The following PTPN12 variants were observed in gnomAD, a reference collection of about 807,000 sequenced individuals.
The protein encoded by PTPN12 is protein tyrosine phosphatase non-receptor type 12, also known as tyrosine-protein phosphatase non-receptor type 12.
PTPN12 carries 29 observed loss-of-function variants against 97.6 expected under a neutral mutation model. That is an observed-to-expected ratio of 0.30 (90% CI 0.22 to 0.41). PTPN12 has a LOEUF of 0.41. Among genes scored for constraint, PTPN12 ranks in the 10% least tolerant of loss-of-function variants. PTPN12 has a pLI of 1.00. For synonymous variants in PTPN12, 327 were observed against 300.4 expected (o/e 1.09, Z -0.91); for missense variants, 819 against 926.0 (o/e 0.88, Z 1.50).
chr7:77,589,475 G>A (rs986847009), intron 5 of PTPN12, among the ~76,000 whole-genome samples: 10 of 151,926 alleles, frequency 6.6e-5, no homozygotes, highest in South Asian at 2.1e-4. Context: ...ATTACATAGT[G>A]ATTTTATTTG....
At chr7:77,620,179 G>A (rs893281552) in intron 12 of PTPN12, among the ~76,000 whole-genome samples, 5 of 152,248 alleles carry the variant, frequency 3.3e-5, no homozygotes, top group Admixed American at 6.5e-5. Context: ...TGATTTGTAT[G>A]TTCTTCTACC....
At chr7:77,573,680 A>T (rs1787238333) in intron 2 of PTPN12, among the ~76,000 whole-genome samples, 1 of 152,226 alleles carries the variant, frequency 6.6e-6, no homozygotes, top group Admixed American at 6.5e-5. Context: ...GGAATTATTC[A>T]TGCACACATT....
chr7:77,592,114 C>A, intron 5 of PTPN12, 71 bp from the exon 6 acceptor site: 1 of 1,333,112 alleles, frequency 7.5e-7, no homozygotes, highest in Non-Finnish European at 1.1e-6. Flanking sequence ...AACCTCAGGA[C>A]ACAAAATATT....
chr7:77,597,530 G>T (rs1398077033), intron 6 of PTPN12, among the ~76,000 whole-genome samples: 17 of 152,100 alleles, frequency 1.1e-4, no homozygotes, highest in Non-Finnish European at 2.9e-5. Flanking sequence ...TGGCTTACTA[G>T]CTCTTTTTTT....
At chr7:77,586,854 C>T (rs1254054157) in intron 5 of PTPN12, among the ~76,000 whole-genome samples, 4 of 152,192 alleles carry the variant, frequency 2.6e-5, no homozygotes, top group Non-Finnish European at 4.4e-5. Context: ...AAGTAGATTC[C>T]ATCTCAAGAA....
At chr7:77,585,265 GT>G in intron 4 of PTPN12, 1 of 250,532 alleles carries the variant, frequency 4.0e-6, no homozygotes, top group Admixed American at 5.4e-5. Context: ...AATTTCAGAA[GT>G]CACAAAGTAA....
At chr7:77,578,651 T>C (rs957238789) in intron 2 of PTPN12, among the ~76,000 whole-genome samples, 16 of 152,224 alleles carry the variant, frequency 1.1e-4, no homozygotes, top group Admixed American at 3.9e-4. Flanking sequence ...AATACTTTGC[T>C]AAGAAGTTTA....
intron 1 of PTPN12, among the ~76,000 whole-genome samples, chr7:77,553,162 T>G (rs1472550130): frequency 6.6e-6 from 1 of 152,214 alleles, no homozygotes; most frequent in East Asian, 1.9e-4. Flanking sequence ...ACATTGTGTA[T>G]GATTGCTGTT....
Position 77,625,496 on chromosome 7 carries a change from T to G in PTPN12, c.1026-1209T>G, listed in dbSNP as rs1379376165. On this transcript the variant is annotated intron_variant, in intron 12 of 17. Coordinates refer to ENST00000248594, the MANE Select transcript of PTPN12 (RefSeq NM_002835.4). ...CGCTCTCTCTCTCTCTCTCTCTCTC[T>G]CTCTCTCTCTCTCTCTCTCTCTCTC... Among the ~76,000 whole-genome samples, 315 of 103,558 alleles carry G rather than the reference T, an allele frequency of 3.0e-3. 64 individuals are homozygous for G. The highest frequency in any genetic ancestry group is 0.018 in the Middle Eastern group (4 of 224). The allele number at this position is 103,558 out of a possible 152,430, so 67.9% of individuals were successfully genotyped here.
intron 16 of PTPN12, among the ~76,000 whole-genome samples, chr7:77,637,810 T>C (rs1789647536): frequency 7.3e-6 from 1 of 137,070 alleles, no homozygotes; most frequent in African/African-American, 2.8e-5. Context: ...TGCGCCGAGA[T>C]TGCGCCATTG....
intron 16 of PTPN12, among the ~76,000 whole-genome samples, chr7:77,637,926 A>T (rs1789658637): frequency 7.6e-6 from 1 of 132,414 alleles, no homozygotes; most frequent in South Asian, 2.5e-4. Flanking sequence ...ATTAACCCTG[A>T]CCTTGTTGAT....
Position 77,591,635 on chromosome 7 carries a change from C to T in PTPN12, c.421-550C>T, listed in dbSNP as rs543871371. 3.3e-5 allele frequency among the ~76,000 whole-genome samples: 5 copies of T among 152,242 alleles called. No individual in the cohort carries two copies. In the South Asian group the frequency reaches 6.2e-4, roughly 19 times the overall value. ...AATACACTGTTATTTAACAAACATG[C>T]AACAACTCTGTAAGATAAGGATTAT... On this transcript the variant is annotated intron_variant, in intron 5 of 17. Coordinates refer to ENST00000248594, the MANE Select transcript of PTPN12 (RefSeq NM_002835.4).
intron 7 of PTPN12, among the ~76,000 whole-genome samples, chr7:77,598,950 TAAAA>T (rs1030801665): frequency 5.3e-5 from 8 of 151,176 alleles, no homozygotes; most frequent in Non-Finnish European, 1.0e-4. Context: ...TTTTAGCTAC[TAAAA>T]AAATAAAACA....
chr7:77,566,385 G>A (rs1044238831), intron 1 of PTPN12, among the ~76,000 whole-genome samples: 148 of 152,246 alleles, frequency 9.7e-4, no homozygotes, highest in African/African-American at 3.1e-3. Context: ...CAGTAATAAA[G>A]GAGTGCAGTT....
chr7:77,594,770 C>T (rs1402192448), intron 6 of PTPN12, among the ~76,000 whole-genome samples: 1 of 152,236 alleles, frequency 6.6e-6, no homozygotes, highest in East Asian at 1.9e-4. Context: ...TCCCAAAGTA[C>T]TAGGACTACA....
intron 1 of PTPN12, among the ~76,000 whole-genome samples, chr7:77,559,221 G>A (rs1807881409): frequency 1.3e-5 from 2 of 152,182 alleles, no homozygotes; most frequent in African/African-American, 2.4e-5. Flanking sequence ...TTAGAGGATC[G>A]TGTGTAATTT....
chr7:77,618,441 T>C lies in PTPN12; in HGVS notation c.940-39T>C, dbSNP rs555015625. ...TGAAACATGAAGAGGAAAAATTATTTTTCTCTTAACCTTAGTGAAGTATTT... is the reference window on the plus strand; with the variant it reads ...TGAAACATGAAGAGGAAAAATTATTCTTCTCTTAACCTTAGTGAAGTATTT... On this transcript the variant is annotated intron_variant, in intron 11 of 17. Transcript: ENST00000248594. 1.9e-4 allele frequency: 251 copies of C among 1,344,096 alleles called. 2 individuals carry two copies. The South Asian group carries it at 2.0e-3, about 11-fold the overall frequency. 83.3% of individuals were successfully genotyped at this position (1,344,096 alleles called of 1,614,324 possible). A position where few individuals can be genotyped will look rare whatever the true frequency, so the allele number is the denominator to read the frequency against.
At chr7:77,570,100 G>C (rs1275226332) in intron 1 of PTPN12, among the ~76,000 whole-genome samples, 1 of 152,164 alleles carries the variant, frequency 6.6e-6, no homozygotes, top group African/African-American at 2.4e-5. Context: ...CATTGTGCCA[G>C]TGCAGAATAA....
chr7:77,573,422 G>T (rs1787228257), intron 2 of PTPN12, among the ~76,000 whole-genome samples: 1 of 152,156 alleles, frequency 6.6e-6, no homozygotes, highest in Non-Finnish European at 1.5e-5. Flanking sequence ...GGTGGAAGGG[G>T]CAAACAAGCT....
Sources: gnomAD v4.1 joint callset for allele counts (sites outside exome capture counted in the v4.1 genomes callset) on GRCh38, gnomAD v4.1.1 for gene constraint, MANE v1.5 for transcripts, NCBI Gene and HGNC (gene_info 2026-07-23, HGNC 2026-07-21) for gene names.